GMPR: variants seen among roughly 807,000 people sequenced by gnomAD.
The protein encoded by GMPR is guanosine monophosphate reductase, also known as GMP reductase 1.
Under a neutral mutation model 38.4 loss-of-function variants are expected in GMPR, and 31 were observed. That is an observed-to-expected ratio of 0.81 (90% CI 0.61 to 1.09). The LOEUF is 1.09. GMPR is among the 50% of genes least tolerant of loss of function. The pLI, the probability that GMPR is intolerant of heterozygous loss-of-function variation, is 0.00. For missense variants in GMPR, 468 were observed against 453.7 expected (o/e 1.03, Z -0.29); for synonymous variants, 162 against 173.3 (o/e 0.93, Z 0.51).
chr6:16,289,315 C>T (rs1211980619), intron 7 of GMPR, among the ~76,000 whole-genome samples: 1 of 152,226 alleles, frequency 6.6e-6, no homozygotes, highest in Non-Finnish European at 1.5e-5. Context: ...CAGTTCCGAA[C>T]ACAGTAGCAG....
At chr6:16,292,538 A>G (rs924779120) in intron 8 of GMPR, among the ~76,000 whole-genome samples, 1 of 152,106 alleles carries the variant, frequency 6.6e-6, no homozygotes, top group Non-Finnish European at 1.5e-5. Flanking sequence ...GCGGTCCCTG[A>G]TAGAGGAGGA....
chr6:16,254,524 A>G lies in GMPR; in HGVS notation c.292-38A>G, dbSNP rs183870379. ...GGGCAGGGTCTGATGTCTGAATGCTACTGTTTATGCCTGTCTTCTTGGTTT... is the reference window on the plus strand; with the variant it reads ...GGGCAGGGTCTGATGTCTGAATGCTGCTGTTTATGCCTGTCTTCTTGGTTT... On this transcript the variant is annotated intron_variant, in intron 3 of 8. Coordinates refer to ENST00000259727, the MANE Select transcript of GMPR (RefSeq NM_006877.4). 3.0e-5 allele frequency: 48 copies of G among 1,578,074 alleles called. No individual in the cohort carries two copies. The East Asian group carries it at 1.0e-3, about 33-fold the overall frequency.
chr6:16,245,084 T>TA (rs1758728731), intron 1 of GMPR, among the ~76,000 whole-genome samples: 1 of 152,198 alleles, frequency 6.6e-6, no homozygotes, highest in South Asian at 2.1e-4. Context: ...AGCCAAATGT[T>TA]ACAGAGCCAT....
chr6:16,269,474 A>G (rs2113690072), intron 4 of GMPR, among the ~76,000 whole-genome samples: 1 of 152,312 alleles, frequency 6.6e-6, no homozygotes, highest in East Asian at 1.9e-4. Flanking sequence ...ATAACAAGAT[A>G]CCATAAACTG....
At chr6:16,249,166 A>ATTTTT (rs11292107) in intron 2 of GMPR, among the ~76,000 whole-genome samples, 2 of 96,414 alleles carry the variant, frequency 2.1e-5, no homozygotes, top group Non-Finnish European at 1.9e-5. Context: ...ACATTTTGTA[A>ATTTTT]TTTTTTTTTT....
At chr6:16,266,429 GTGGCACGTCGGACGTGCCACCTTT>G (rs1429123747) in intron 4 of GMPR, among the ~76,000 whole-genome samples, 1 of 121,928 alleles carries the variant, frequency 8.2e-6, no homozygotes, top group African/African-American at 3.0e-5. Context: ...TGTGAAAAAG[GTGGCACGTCGGACGTGCCACCTTT>G]AAGAGCTGTA....
chr6:16,267,434 C>T (rs186328941), intron 4 of GMPR, among the ~76,000 whole-genome samples: 3 of 152,144 alleles, frequency 2.0e-5, no homozygotes, highest in Admixed American at 1.3e-4. Context: ...GTCAGCGAGA[C>T]CACGAACCGT....
intron 4 of GMPR, among the ~76,000 whole-genome samples, chr6:16,265,436 C>T (rs1388671494): frequency 1.3e-5 from 2 of 152,218 alleles, no homozygotes; most frequent in African/African-American, 2.4e-5. Context: ...TTGTCCCCCA[C>T]ATGCCACCAG....
At chr6:16,282,773 T>C (rs74453985) in intron 6 of GMPR, among the ~76,000 whole-genome samples, 2,458 of 152,280 alleles carry the variant, frequency 0.016, 51 homozygotes, top group African/African-American at 0.056. Context: ...TGTTTTTTCA[T>C]TGTCAGTATT....
intron 6 of GMPR, among the ~76,000 whole-genome samples, chr6:16,284,489 C>T (rs1287202730): frequency 6.6e-6 from 1 of 152,122 alleles, no homozygotes; most frequent in East Asian, 1.9e-4. Context: ...AGGTGCTTCC[C>T]TCTGAGGTCC....
chr6:16,271,486 CAAAAAGA>C (rs1759384858), intron 4 of GMPR, among the ~76,000 whole-genome samples: 1 of 152,048 alleles, frequency 6.6e-6, no homozygotes, highest in Non-Finnish European at 1.5e-5. Context: ...GACCCTGTCT[CAAAAAGA>C]AAAAAGAAAA....
rs767744813 is a variant in GMPR at position 16,254,674 on chromosome 6, C to T, written c.404C>T (p.Ser135Leu). 4 of 1,613,680 alleles carry T rather than the reference C, an allele frequency of 2.5e-6. No homozygotes were observed. Among genetic ancestry groups the T allele is most frequent in the South Asian group, 1.1e-5 (1 of 91,072 alleles). ...FICLDVANGY[S>L]EHFVEFVKLV... ...TGCCTGGATGTGGCCAATGGGTATTCAGAACATTTTGTGGAATTCGTGAAA... is the reference window on the plus strand; with the variant it reads ...TGCCTGGATGTGGCCAATGGGTATTTAGAACATTTTGTGGAATTCGTGAAA... Residue 135 changes from serine to leucine, a missense_variant, in exon 4 of 9, where the codon TCA (serine) becomes TTA (leucine). Ser to Leu is a moderately radical substitution (Grantham distance 145). Coordinates refer to ENST00000259727, the MANE Select transcript of GMPR (RefSeq NM_006877.4).
intron 4 of GMPR, among the ~76,000 whole-genome samples, chr6:16,261,756 G>C (rs1759089554): frequency 1.3e-5 from 2 of 151,928 alleles, no homozygotes; most frequent in African/African-American, 4.8e-5. Flanking sequence ...AGCAGGGTAA[G>C]GGTTATTAGG....
chr6:16,267,114 G>A (rs181311016), intron 4 of GMPR, among the ~76,000 whole-genome samples: 20 of 152,054 alleles, frequency 1.3e-4, no homozygotes, highest in Admixed American at 2.0e-4. Flanking sequence ...CTGTAATCCC[G>A]GCACTTTGGG....
At chr6:16,285,928 C>G (rs574778248) in intron 7 of GMPR, 93 bp downstream of exon 7, 5 of 1,078,392 alleles carry the variant, frequency 4.6e-6, no homozygotes, top group Admixed American at 4.0e-5. Flanking sequence ...GGAGGGGGAC[C>G]TGGTGGGGAA....
chr6:16,267,848 G>A (rs978291851), intron 4 of GMPR, among the ~76,000 whole-genome samples: 4 of 152,214 alleles, frequency 2.6e-5, no homozygotes, highest in African/African-American at 9.6e-5. Flanking sequence ...GCAATGCCGT[G>A]TCAGCTGCTG....
At chr6:16,258,611 G>A (rs1407867984) in intron 4 of GMPR, among the ~76,000 whole-genome samples, 1 of 152,222 alleles carries the variant, frequency 6.6e-6, no homozygotes, top group Non-Finnish European at 1.5e-5. Flanking sequence ...CATTGCTCTT[G>A]TTGGTTTCCC....
intron 7 of GMPR, among the ~76,000 whole-genome samples, chr6:16,289,298 A>G (rs1028152378): frequency 1.3e-5 from 2 of 152,232 alleles, no homozygotes; most frequent in African/African-American, 4.8e-5. Flanking sequence ...TGAGACCAAG[A>G]ACCCACCAGT....
intron 5 of GMPR, among the ~76,000 whole-genome samples, chr6:16,278,276 C>T (rs72833489): frequency 0.037 from 5,706 of 152,198 alleles, 214 homozygotes; most frequent in East Asian, 0.13. Context: ...TGTTCTCTGC[C>T]ACAACCCCAG....
Sources: allele counts gnomAD v4.1 joint callset (sites outside exome capture counted in the v4.1 genomes callset), GRCh38; gene constraint gnomAD v4.1.1; transcripts MANE v1.5; gene names NCBI Gene and HGNC (gene_info 2026-07-23, HGNC 2026-07-21).